Variants in MICU2 observed in about 807,000 individuals in gnomAD.
The protein encoded by MICU2 is calcium uptake protein 2, mitochondrial.
In MICU2, 64 loss-of-function variants were observed where a neutral mutation model predicts 60.4. The ratio of observed to expected loss-of-function variants is 1.06; its 90% CI spans 0.87 to 1.31. The LOEUF is 1.31. Among genes scored for constraint, MICU2 ranks in the 50% most tolerant of loss-of-function variants. The pLI, the probability that MICU2 is intolerant of heterozygous loss-of-function variation, is 0.00. For synonymous variants in MICU2, 201 were observed against 175.0 expected, an observed-to-expected ratio of 1.15 and a Z score of -1.17; for missense variants, 569 against 531.0, an observed-to-expected ratio of 1.07 and a Z score of -0.70.
rs975132552 is a variant in MICU2 at position 21,603,978 on chromosome 13, A to G, written c.171T>C (p.Ser57=). The stretch of plus-strand genomic sequence containing the variant: ...TAAAACTGCCATCCCGCGCCGCAAC[A>G]CTGACGCGGCTGTGGTGCCAGGCCG... ...AGAAWHHSRV[S]VAARDGSFTV... The change falls in exon 1 of 12, where the codon AGT becomes AGC. Residue 57 remains serine (S), a synonymous_variant. Transcript: ENST00000382374. 6.8e-6 allele frequency: 11 copies of G among 1,612,286 alleles called. No individual in the cohort carries two copies. Among genetic ancestry groups the G allele is most frequent in the Non-Finnish European group, 9.3e-6 (11 of 1,179,634 alleles).
intron 1 of MICU2, among the ~76,000 whole-genome samples, chr13:21,576,397 A>G (rs958797365): frequency 1.3e-5 from 2 of 152,144 alleles, no homozygotes; most frequent in African/African-American, 4.8e-5. Flanking sequence ...AACTTCAAGT[A>G]AGTGGTGCTA....
At chr13:21,532,475 C>T (rs966051921) in intron 4 of MICU2, among the ~76,000 whole-genome samples, 10 of 152,168 alleles carry the variant, frequency 6.6e-5, no homozygotes, top group Admixed American at 2.6e-4. Flanking sequence ...TTATCTCTCA[C>T]GAGATAGAGA....
intron 4 of MICU2, chr13:21,531,303 T>C (rs1430345025): frequency 3.8e-6 from 6 of 1,571,634 alleles, no homozygotes; most frequent in Non-Finnish European, 5.2e-6. Flanking sequence ...AGAAAATGAC[T>C]CACCAACAAA....
chr13:21,517,813 G>T (rs953274910), intron 6 of MICU2, among the ~76,000 whole-genome samples: 1 of 142,138 alleles, frequency 7.0e-6, no homozygotes, highest in African/African-American at 2.5e-5. Context: ...GCGCGCGCGC[G>T]CACACGCGCT....
chr13:21,573,103 A>C (rs1888149614), intron 1 of MICU2, among the ~76,000 whole-genome samples: 1 of 152,204 alleles, frequency 6.6e-6, no homozygotes, highest in South Asian at 2.1e-4. Context: ...TGTTATATAA[A>C]AATACCAGGG....
intron 9 of MICU2, among the ~76,000 whole-genome samples, chr13:21,501,542 G>T (rs193285110): frequency 6.6e-6 from 1 of 152,182 alleles, no homozygotes; most frequent in East Asian, 1.9e-4. Context: ...GATTACAGGC[G>T]TGATCATATA....
chr13:21,545,394 A>C, intron 2 of MICU2, among the ~76,000 whole-genome samples: 1 of 152,200 alleles, frequency 6.6e-6, no homozygotes, highest in East Asian at 1.9e-4. Flanking sequence ...AAAAAAGTTT[A>C]TCTCAGCCGG....
At chr13:21,531,920 G>T (rs557013883) in intron 4 of MICU2, among the ~76,000 whole-genome samples, 60 of 152,186 alleles carry the variant, frequency 3.9e-4, no homozygotes, top group Admixed American at 3.9e-3. Context: ...CTCCCTTATG[G>T]CACAGAGGCA....
At chr13:21,579,775 C>CA (rs1363300189) in intron 1 of MICU2, among the ~76,000 whole-genome samples, 3 of 151,392 alleles carry the variant, frequency 2.0e-5, no homozygotes, top group African/African-American at 7.3e-5. Flanking sequence ...CCCATGGTCT[C>CA]AAAAAAATAT....
intron 9 of MICU2, among the ~76,000 whole-genome samples, chr13:21,497,417 A>C (rs1886029083): frequency 6.6e-6 from 1 of 152,066 alleles, no homozygotes; most frequent in African/African-American, 2.4e-5. Flanking sequence ...TTTTCCATTA[A>C]AACAATAAAA....
intron 2 of MICU2, among the ~76,000 whole-genome samples, chr13:21,550,988 G>C (rs1029945027): frequency 6.6e-6 from 1 of 152,124 alleles, no homozygotes; most frequent in African/African-American, 2.4e-5. Flanking sequence ...TTATGTGTGT[G>C]GACTCCAACT....
At chr13:21,543,416 T>C (rs960277844) in intron 2 of MICU2, among the ~76,000 whole-genome samples, 8 of 152,116 alleles carry the variant, frequency 5.3e-5, no homozygotes, top group Admixed American at 1.3e-4. Flanking sequence ...ATCTTATACA[T>C]AGAAAAACCT....
At chr13:21,574,558 C>T (rs1044893287) in intron 1 of MICU2, among the ~76,000 whole-genome samples, 3 of 152,156 alleles carry the variant, frequency 2.0e-5, no homozygotes, top group Admixed American at 6.5e-5. Context: ...ACTTTTTATC[C>T]ATGAAGTGAC....
chr13:21,543,982 G>A (rs1001562354), intron 2 of MICU2, among the ~76,000 whole-genome samples: 1 of 152,012 alleles, frequency 6.6e-6, no homozygotes, highest in Non-Finnish European at 1.5e-5. Flanking sequence ...CAGACCAACA[G>A]AACAGAGAAC....
At chr13:21,571,575 G>A (rs1463480125) in intron 1 of MICU2, among the ~76,000 whole-genome samples, 1 of 152,194 alleles carries the variant, frequency 6.6e-6, no homozygotes, top group Non-Finnish European at 1.5e-5. Context: ...GCAGGAGCCT[G>A]TAGTCGCAGC....
chr13:21,578,718 A>T lies in MICU2; in HGVS notation c.211-11774T>A, dbSNP rs550062744. Among the ~76,000 whole-genome samples, 11 of 152,350 alleles carry T rather than the reference A, an allele frequency of 7.2e-5. No homozygotes were observed. The East Asian group carries it at 2.1e-3, about 29-fold the overall frequency. On this transcript the variant is annotated intron_variant, in intron 1 of 11. Transcript: ENST00000382374. ...TAGATAACCAGGTATATACTCTGCT[A>T]TGTGCAACCTCACTAAAGATATACA...
At chr13:21,579,073 A>G (rs1888288312) in intron 1 of MICU2, among the ~76,000 whole-genome samples, 1 of 152,230 alleles carries the variant, frequency 6.6e-6, no homozygotes, top group Non-Finnish European at 1.5e-5. Flanking sequence ...GGAGTACATT[A>G]ACAGACTGTA....
At chr13:21,602,098 C>G (rs1888831552) in intron 1 of MICU2, among the ~76,000 whole-genome samples, 1 of 134,360 alleles carries the variant, frequency 7.4e-6, no homozygotes, top group African/African-American at 2.6e-5. Context: ...GACAGAGACT[C>G]CATCTCAACA....
intron 2 of MICU2, among the ~76,000 whole-genome samples, chr13:21,541,931 ATTTT>A (rs996182284): frequency 6.6e-6 from 1 of 152,168 alleles, no homozygotes; most frequent in African/African-American, 2.4e-5. Context: ...ATCTTTTTAA[ATTTT>A]TTTAATTCAA....
Sources: allele counts gnomAD v4.1 joint callset (sites outside exome capture counted in the v4.1 genomes callset), GRCh38; gene constraint gnomAD v4.1.1; transcripts MANE v1.5; gene names NCBI Gene and HGNC (gene_info 2026-07-23, HGNC 2026-07-21).